PRKCB: variants seen among roughly 807,000 people sequenced by gnomAD.
PRKCB encodes protein kinase C beta.
A neutral mutation model predicts 81.5 loss-of-function variants in PRKCB; 13 were observed. That is an observed-to-expected ratio of 0.16 (90% CI 0.10 to 0.25). The LOEUF (loss-of-function observed/expected upper bound fraction) is 0.25. Ranked by LOEUF, PRKCB falls within the 10% of genes least tolerant of loss-of-function variation. PRKCB has a pLI of 1.00. For synonymous variants in PRKCB, 335 were observed against 321.4 expected, an observed-to-expected ratio of 1.04 and a Z score of -0.45; for missense variants, 509 against 875.7, an observed-to-expected ratio of 0.58 and a Z score of 5.29.
chr16:23,854,384 G>A (rs1962526880), intron 2 of PRKCB, among the ~76,000 whole-genome samples: 1 of 152,174 alleles, frequency 6.6e-6, no homozygotes, highest in Non-Finnish European at 1.5e-5. Context: ...GTTTTATTTA[G>A]TTTTAGTTTC....
At chr16:23,882,395 T>A (rs1193428346) in intron 2 of PRKCB, among the ~76,000 whole-genome samples, 7 of 151,820 alleles carry the variant, frequency 4.6e-5, no homozygotes, top group African/African-American at 1.7e-4. Flanking sequence ...ATTTTTTTTC[T>A]TGATTTTTAA....
chr16:24,182,349 A>G (rs1967639095), intron 13 of PRKCB, among the ~76,000 whole-genome samples: 1 of 152,006 alleles, frequency 6.6e-6, no homozygotes, highest in African/African-American at 2.4e-5. Flanking sequence ...TGAGACCCTA[A>G]TCTCTACAAA....
intron 2 of PRKCB, among the ~76,000 whole-genome samples, chr16:23,902,499 TTGA>T (rs1447684256): frequency 6.6e-6 from 1 of 152,146 alleles, no homozygotes; most frequent in Non-Finnish European, 1.5e-5. Flanking sequence ...AGTTGTTTAT[TTGA>T]CCCTTTCAGC....
At chr16:24,204,734 C>T (rs1325911931) in intron 16 of PRKCB, among the ~76,000 whole-genome samples, 1 of 152,160 alleles carries the variant, frequency 6.6e-6, no homozygotes, top group African/African-American at 2.4e-5. Flanking sequence ...ATCCATTCAT[C>T]TATTCATCCA....
intron 2 of PRKCB, among the ~76,000 whole-genome samples, chr16:23,860,383 T>C (rs527453741): frequency 6.6e-6 from 1 of 152,196 alleles, no homozygotes; most frequent in South Asian, 2.1e-4. Context: ...GCGTTGGGTA[T>C]GTTGAGGATG....
rs1479009679 is a variant in PRKCB at position 24,065,031 on chromosome 16, G to A, written c.530-27760G>A. On this transcript the variant is annotated intron_variant, in intron 5 of 16. Transcript: ENST00000643927. ...ATAAAAAGACTGAAAGGGAAAAGGG[G>A]GAAATATATCTATATATAAAATAAT... Among the ~76,000 whole-genome samples, 5 of 146,930 alleles carry A rather than the reference G, an allele frequency of 3.4e-5. No individual in the cohort carries two copies. The East Asian group carries it at 5.9e-4, about 17-fold the overall frequency.
chr16:23,896,919 T>C (rs201184009), intron 2 of PRKCB, among the ~76,000 whole-genome samples: 1 of 136,512 alleles, frequency 7.3e-6, no homozygotes, highest in Admixed American at 7.2e-5. Context: ...CATCCATCCA[T>C]CCATCCACTC....
chr16:24,217,103 A>G lies in PRKCB; in HGVS notation c.*2287A>G, dbSNP rs1208856525. 2.0e-6 allele frequency: 2 copies of G among 984,590 alleles called. No individual in the cohort carries two copies. The highest frequency in any genetic ancestry group is 2.4e-6 in the Non-Finnish European group (2 of 829,290). 61.0% of individuals were successfully genotyped at this position (984,590 alleles called of 1,614,324 possible). On this transcript the variant is annotated 3_prime_UTR_variant, in exon 17 of 17. Coordinates refer to ENST00000643927, the MANE Select transcript of PRKCB (RefSeq NM_002738.7). ...AATGGAAAGAGAAAGAAAGGAAAGA[A>G]AGAAGAAAAAGAAAGAAGGAAAGAA...
intron 5 of PRKCB, among the ~76,000 whole-genome samples, chr16:24,088,999 G>A (rs931597057): frequency 6.6e-6 from 1 of 152,154 alleles, no homozygotes; most frequent in African/African-American, 2.4e-5. Context: ...GCATCTGAGT[G>A]TCTCAATCCT....
intron 10 of PRKCB, among the ~76,000 whole-genome samples, chr16:24,168,534 T>TCTG: frequency 7.1e-6 from 1 of 139,868 alleles, no homozygotes; most frequent in Non-Finnish European, 1.5e-5. Flanking sequence ...TTTTCTTTCT[T>TCTG]CTTCTACTTT....
chr16:24,167,499 G>A (rs1426214363), intron 10 of PRKCB, among the ~76,000 whole-genome samples: 2 of 152,024 alleles, frequency 1.3e-5, no homozygotes, highest in East Asian at 1.9e-4. Flanking sequence ...GGTTGAGGCT[G>A]CAGTGAGCAG....
At chr16:23,938,338 C>G (rs565053545) in intron 2 of PRKCB, among the ~76,000 whole-genome samples, 15 of 152,312 alleles carry the variant, frequency 9.8e-5, no homozygotes, top group African/African-American at 2.9e-4. Context: ...CACTGCAAAT[C>G]TACCACCACT....
At chr16:24,207,487 C>T (rs185952362) in intron 16 of PRKCB, among the ~76,000 whole-genome samples, 7 of 152,240 alleles carry the variant, frequency 4.6e-5, no homozygotes, top group African/African-American at 1.4e-4. Flanking sequence ...ATTACGTATA[C>T]ATTTGTGTAT....
chr16:24,144,641 A>G (rs1966961748), intron 9 of PRKCB, among the ~76,000 whole-genome samples: 1 of 152,232 alleles, frequency 6.6e-6, no homozygotes, highest in Non-Finnish European at 1.5e-5. Context: ...GGTATAATTT[A>G]CAGAAGATTC....
At chr16:23,865,042 A>G (rs1431501879) in intron 2 of PRKCB, among the ~76,000 whole-genome samples, 1 of 152,082 alleles carries the variant, frequency 6.6e-6, no homozygotes, top group Non-Finnish European at 1.5e-5. Context: ...AGCTGCATCC[A>G]TGTTGCTGCA....
intron 5 of PRKCB, among the ~76,000 whole-genome samples, chr16:24,058,202 C>T (rs1208034882): frequency 2.6e-5 from 4 of 152,168 alleles, no homozygotes; most frequent in Admixed American, 2.6e-4. Flanking sequence ...TCTCAGAAAG[C>T]CCGCCTCTGA....
At chr16:23,875,500 T>TCACACACATGTGTATATCACACAC (rs1231254745) in intron 2 of PRKCB, among the ~76,000 whole-genome samples, 1 of 81,894 alleles carries the variant, frequency 1.2e-5, no homozygotes, top group Non-Finnish European at 2.8e-5. Context: ...TATATATATA[T>TCACACACATGTGTATATCACACAC]ATATATGATG....
intron 3 of PRKCB, among the ~76,000 whole-genome samples, chr16:24,029,193 C>G (rs1166357484): frequency 6.6e-6 from 1 of 152,258 alleles, no homozygotes; most frequent in African/African-American, 2.4e-5. Context: ...TTTTAGTTTT[C>G]AAACATTTTA....
intron 16 of PRKCB, among the ~76,000 whole-genome samples, chr16:24,209,459 G>A (rs1170656370): frequency 6.6e-6 from 1 of 152,038 alleles, no homozygotes; most frequent in African/African-American, 2.4e-5. Flanking sequence ...CTGGAATTTT[G>A]AACTTATCAA....
Sources: allele counts gnomAD v4.1 joint callset (sites outside exome capture counted in the v4.1 genomes callset), GRCh38; gene constraint gnomAD v4.1.1; transcripts MANE v1.5; gene names NCBI Gene and HGNC (gene_info 2026-07-23, HGNC 2026-07-21).